The following TMEM132C variants were observed in gnomAD, a reference collection of about 807,000 sequenced individuals.
The protein encoded by TMEM132C is protein phosphatase 1, regulatory subunit 152.
A neutral mutation model predicts 61.4 loss-of-function variants in TMEM132C; 29 were observed. The observed-to-expected ratio is 0.47, with a 90% CI of 0.35 to 0.64. TMEM132C has a LOEUF of 0.64. TMEM132C is among the 30% of genes least tolerant of loss of function. TMEM132C has a pLI of 0.00. For synonymous variants in TMEM132C, 656 were observed against 633.1 expected (o/e 1.04, Z -0.54); for missense variants, 1,408 against 1,476.9 (o/e 0.95, Z 0.76).
At chr12:128,413,586 T>C (rs1364209515) in intron 1 of TMEM132C, among the ~76,000 whole-genome samples, 1 of 151,738 alleles carries the variant, frequency 6.6e-6, no homozygotes, top group Non-Finnish European at 1.5e-5. Flanking sequence ...TTTGTAGTTT[T>C]CATCTGTGTT....
At chr12:128,423,047 TA>T (rs1869045400) in intron 2 of TMEM132C, among the ~76,000 whole-genome samples, 1 of 152,152 alleles carries the variant, frequency 6.6e-6, no homozygotes, top group Non-Finnish European at 1.5e-5. Flanking sequence ...TCAGGACTGA[TA>T]ATGGAGCCTT....
chr12:128,542,508 G>A (rs562918350), intron 2 of TMEM132C, among the ~76,000 whole-genome samples: 22 of 152,202 alleles, frequency 1.4e-4, no homozygotes, highest in Admixed American at 2.6e-4. Flanking sequence ...GTTTCACCAC[G>A]TTGGCCAAGC....
chr12:128,424,522 A>G (rs999279450), intron 2 of TMEM132C, among the ~76,000 whole-genome samples: 3 of 152,116 alleles, frequency 2.0e-5, no homozygotes, highest in African/African-American at 7.2e-5. Flanking sequence ...AATGCCTAAA[A>G]TAGGCAAATC....
rs1173086115 is a variant in TMEM132C, at chr12:128,705,213, C to A, written c.2245C>A (p.Gln749Lys). Residue 749 changes from glutamine to lysine, a missense_variant, in exon 9 of 9, where the codon CAG (glutamine) becomes AAG (lysine). Coordinates refer to ENST00000435159, the MANE Select transcript of TMEM132C (RefSeq NM_001136103.3). ...GGACGAGGCTGTCGTGTCAGTCCCCCAGCCCCGCTCTCCCAGGTGGCCCGT... is the reference window on the plus strand; with the variant it reads ...GGACGAGGCTGTCGTGTCAGTCCCCAAGCCCCGCTCTCCCAGGTGGCCCGT... ...SQDEAVVSVP[Q>K]PRSPRWPVVV... The A allele has an allele frequency of 1.3e-6, 2 of 1,551,716 alleles. No individual in the cohort carries two copies. Among genetic ancestry groups the A allele is most frequent in the Non-Finnish European group, 1.7e-6 (2 of 1,147,004 alleles).
At chr12:128,585,971 G>C (rs1311964689) in intron 3 of TMEM132C, among the ~76,000 whole-genome samples, 1 of 152,198 alleles carries the variant, frequency 6.6e-6, no homozygotes, top group Non-Finnish European at 1.5e-5. Flanking sequence ...ATGGATGGTG[G>C]TGACGGCTGC....
intron 1 of TMEM132C, among the ~76,000 whole-genome samples, chr12:128,324,834 A>T (rs923967761): frequency 1.3e-5 from 2 of 152,166 alleles, no homozygotes; most frequent in African/African-American, 4.8e-5. Flanking sequence ...CCTCAAAAAA[A>T]TTTTAAAAAA....
At chr12:128,677,647 T>C (rs1051929743) in intron 5 of TMEM132C, among the ~76,000 whole-genome samples, 3 of 152,106 alleles carry the variant, frequency 2.0e-5, no homozygotes, top group Middle Eastern at 3.2e-3. Flanking sequence ...CTGTGCCCCC[T>C]GGGTGCCCCC....
At position 128,688,520 on chromosome 12, in the gene TMEM132C, G is replaced by C. The variant is rs553325831; in HGVS notation, c.1450-5309G>C. Reference sequence around the variant, plus strand: ...GACGGCACAAATAATATGGTAGAGAGAAATCCAAGTAAAACATCCACTGTG... The same window carrying C: ...GACGGCACAAATAATATGGTAGAGACAAATCCAAGTAAAACATCCACTGTG... On this transcript the variant is annotated intron_variant, in intron 5 of 8. Transcript: ENST00000435159. Among the ~76,000 whole-genome samples, 8 of 152,270 alleles carry C rather than the reference G, an allele frequency of 5.3e-5. No homozygotes were observed. The East Asian group carries it at 1.5e-3, about 29-fold the overall frequency.
chr12:128,584,571 A>T (rs916121127), intron 3 of TMEM132C, among the ~76,000 whole-genome samples: 5 of 152,184 alleles, frequency 3.3e-5, no homozygotes, highest in African/African-American at 1.2e-4. Context: ...TGTAGGGTTA[A>T]TAATTGCTGT....
At chr12:128,328,675 T>C (rs1373340891) in intron 1 of TMEM132C, among the ~76,000 whole-genome samples, 1 of 150,938 alleles carries the variant, frequency 6.6e-6, no homozygotes, top group Non-Finnish European at 1.5e-5. Context: ...TAATCCCAGC[T>C]ACTCAGGAGG....
Position 128,697,248 on chromosome 12 carries a change from A to T in TMEM132C, c.1954A>T (p.Ile652Phe), listed in dbSNP as rs1245263715. 1.3e-6 allele frequency: 2 copies of T among 1,531,362 alleles called. No individual in the cohort carries two copies. Among genetic ancestry groups the T allele is most frequent in the Non-Finnish European group, 1.8e-6 (2 of 1,130,722 alleles). The allele number at this position is 1,531,362 out of a possible 1,614,324, so 94.9% of individuals were successfully genotyped here. A position where few individuals can be genotyped will look rare whatever the true frequency, so the allele number is the denominator to read the frequency against. ...GGTGTTGTCTCCACTGTCTGACTCC[A>T]TCCTGGCAGAGAAGACAATAACCGT... ...IQVLSPLSDS[I>F]LAEKTITVLD... Residue 652 changes from isoleucine to phenylalanine, a missense_variant, in exon 8 of 9, where the codon ATC (isoleucine) becomes TTC (phenylalanine). Physicochemically the swap from Ile to Phe is conservative, Grantham distance 21. Transcript: ENST00000435159.
chr12:128,626,922 A>C (rs1954022654), intron 4 of TMEM132C, among the ~76,000 whole-genome samples: 1 of 152,202 alleles, frequency 6.6e-6, no homozygotes, highest in Admixed American at 6.5e-5. Context: ...CGCTCACTCC[A>C]GCCCCACTGC....
At chr12:128,612,281 G>A (rs193028777) in intron 3 of TMEM132C, among the ~76,000 whole-genome samples, 4 of 152,294 alleles carry the variant, frequency 2.6e-5, no homozygotes, top group East Asian at 1.9e-4. Context: ...GACGGATGTC[G>A]GTGTTCTAGC....
chr12:128,601,854 A>G (rs562311884), intron 3 of TMEM132C, among the ~76,000 whole-genome samples: 16 of 152,326 alleles, frequency 1.1e-4, no homozygotes, highest in Non-Finnish European at 1.8e-4. Context: ...TCCTGAGGCC[A>G]GGCTCAGAAT....
rs1189292359 is a variant in TMEM132C at position 128,509,825 on chromosome 12, C to A, written c.975-34132C>A. Among the ~76,000 whole-genome samples, 3 of 152,184 alleles carry A rather than the reference C, an allele frequency of 2.0e-5. No individual in the cohort carries two copies. In the East Asian group the frequency reaches 5.8e-4, roughly 29 times the overall value. On this transcript the variant is annotated intron_variant, in intron 2 of 8. Coordinates refer to ENST00000435159, the MANE Select transcript of TMEM132C (RefSeq NM_001136103.3). ...CATTTTTAAAAATAAGGCCAGTGAGCCTTTCTGTACCATGTCACAGGCCAG... is the reference window on the plus strand; with the variant it reads ...CATTTTTAAAAATAAGGCCAGTGAGACTTTCTGTACCATGTCACAGGCCAG...
At chr12:128,307,269 G>T (rs1036588710) in intron 1 of TMEM132C, among the ~76,000 whole-genome samples, 2 of 152,094 alleles carry the variant, frequency 1.3e-5, no homozygotes, top group Non-Finnish European at 2.9e-5. Flanking sequence ...TCCCCAAAGT[G>T]GGGTGTTATC....
At chr12:128,680,689 C>T (rs948468180) in intron 5 of TMEM132C, among the ~76,000 whole-genome samples, 3 of 152,158 alleles carry the variant, frequency 2.0e-5, no homozygotes, top group East Asian at 1.9e-4. Flanking sequence ...GCCACACATT[C>T]GTTCCTAGGA....
chr12:128,519,483 A>T (rs1202422293), intron 2 of TMEM132C, among the ~76,000 whole-genome samples: 1 of 152,222 alleles, frequency 6.6e-6, no homozygotes, highest in Non-Finnish European at 1.5e-5. Flanking sequence ...CTACAGCTGC[A>T]TTCATCAAAT....
At chr12:128,675,804 ATAGAT>A (rs1954577368) in intron 5 of TMEM132C, among the ~76,000 whole-genome samples, 2 of 151,998 alleles carry the variant, frequency 1.3e-5, no homozygotes, top group South Asian at 4.2e-4. Context: ...TAGATAAGTG[ATAGAT>A]TAGATAGATG....
Sources: gnomAD v4.1 joint callset for allele counts (sites outside exome capture counted in the v4.1 genomes callset) on GRCh38, gnomAD v4.1.1 for gene constraint, MANE v1.5 for transcripts, NCBI Gene and HGNC (gene_info 2026-07-23, HGNC 2026-07-21) for gene names.